The following BANP variants were observed in gnomAD, a reference collection of about 807,000 sequenced individuals.
The protein encoded by BANP is BTG3 associated nuclear protein.
A neutral mutation model predicts 68.1 loss-of-function variants in BANP; 11 were observed. The observed-to-expected ratio is 0.16, with a 90% CI of 0.10 to 0.27. BANP has a LOEUF of 0.27. BANP is among the 10% of genes least tolerant of loss of function. BANP has a pLI of 1.00. For missense variants in BANP, 504 were observed against 722.7 expected, an observed-to-expected ratio of 0.70 and a Z score of 3.47; for synonymous variants, 329 against 303.2, an observed-to-expected ratio of 1.09 and a Z score of -0.88.
rs60650979 is a variant in BANP, at chr16:87,953,422, C to T, written c.-69+1907C>T. On this transcript the variant is annotated intron_variant, in intron 1 of 13. Coordinates refer to ENST00000682872, the MANE Select transcript of BANP (RefSeq NM_001386991.1). The stretch of plus-strand genomic sequence containing the variant: ...TAGGATCCCCTGATGTTGCCCAGGC[C>T]GTACTCGAACTCCTGAGCTCAAGTG... Among the ~76,000 whole-genome samples, 702 of 152,180 alleles carry T rather than the reference C, an allele frequency of 4.6e-3. 9 individuals carry two copies. Among genetic ancestry groups the T allele is most frequent in the African/African-American group, 0.016 (654 of 41,506 alleles).
chr16:88,043,200 C>T (rs965258478), intron 11 of BANP, among the ~76,000 whole-genome samples: 2 of 152,176 alleles, frequency 1.3e-5, no homozygotes, highest in African/African-American at 4.8e-5. Context: ...AGCCAAACAG[C>T]CACTGCTGTT....
At chr16:88,001,859 G>T (rs2069455180) in intron 4 of BANP, among the ~76,000 whole-genome samples, 1 of 151,152 alleles carries the variant, frequency 6.6e-6, no homozygotes, top group East Asian at 1.9e-4. Context: ...CAGAAATAGG[G>T]ATGTAGATCG....
At chr16:88,038,772 C>T (rs1165033825) in intron 11 of BANP, among the ~76,000 whole-genome samples, 1 of 152,086 alleles carries the variant, frequency 6.6e-6, no homozygotes, top group Non-Finnish European at 1.5e-5. Flanking sequence ...GTTCCTAGGT[C>T]CTGGTGAAGA....
chr16:88,014,627 G>A (rs532458440), intron 6 of BANP, among the ~76,000 whole-genome samples: 3 of 152,014 alleles, frequency 2.0e-5, no homozygotes, highest in Non-Finnish European at 4.4e-5. Flanking sequence ...AGGCTGCAGG[G>A]ATCTTTAGCA....
chr16:88,042,154 C>T (rs1218007117), intron 11 of BANP, among the ~76,000 whole-genome samples: 1 of 152,210 alleles, frequency 6.6e-6, no homozygotes, highest in East Asian at 1.9e-4. Flanking sequence ...CAGACGGAGC[C>T]CCCGGTGCTC....
Position 88,065,357 on chromosome 16 carries a change from C to T in BANP, c.1377+25C>T, listed in dbSNP as rs199665344. On this transcript the variant is annotated intron_variant, in intron 12 of 13. Coordinates refer to ENST00000682872, the MANE Select transcript of BANP (RefSeq NM_001386991.1). ...GGTGAGTCCTTTGTACATCCCATCT[C>T]TCCCACCCTCTGTGGCTGGGAGGAG... 547 of 753,594 alleles carry T rather than the reference C, an allele frequency of 7.3e-4. 2 individuals carry two copies. The African/African-American group carries it at 8.2e-3, about 11-fold the overall frequency. 46.7% of individuals were successfully genotyped at this position (753,594 alleles called of 1,614,324 possible).
At position 87,987,330 on chromosome 16, in the gene BANP, C is replaced by T. The variant is rs189756816; in HGVS notation, c.362+3071C>T. ...TTGACCTTAGGTGATCTGCCTGCCT[C>T]GGCCTCCCAAAGTGCTGGGATTACA... On this transcript the variant is annotated intron_variant, in intron 4 of 13. Transcript: ENST00000682872. 6.6e-3 allele frequency among the ~76,000 whole-genome samples: 1,000 copies of T among 152,284 alleles called. 8 individuals carry two copies. Among genetic ancestry groups the T allele is most frequent in the African/African-American group, 0.022 (922 of 41,556 alleles).
chr16:88,076,672 T>C lies in BANP; in HGVS notation c.*11T>C, dbSNP rs781142694. ...ATCCAGATTCAGTGAGCGGTGCCCA[T>C]GGCACCAGGAGCCCCTCGCCGGCTC... On this transcript the variant is annotated 3_prime_UTR_variant, in exon 14 of 14. Coordinates refer to ENST00000682872, the MANE Select transcript of BANP (RefSeq NM_001386991.1). 2.5e-5 allele frequency: 40 copies of C among 1,603,678 alleles called. No homozygotes were observed. The East Asian group carries it at 7.4e-4, about 30-fold the overall frequency.
chr16:88,067,669 CT>C (rs2089083490), intron 12 of BANP, among the ~76,000 whole-genome samples: 1 of 152,146 alleles, frequency 6.6e-6, no homozygotes, highest in African/African-American at 2.4e-5. Flanking sequence ...CCAGCCCCCC[CT>C]GCACCCCACG....
chr16:88,058,954 T>G (rs890859233), intron 11 of BANP, among the ~76,000 whole-genome samples: 1 of 152,144 alleles, frequency 6.6e-6, no homozygotes, highest in South Asian at 2.1e-4. Flanking sequence ...GGTGGGCCCC[T>G]GAGCCGCTGC....
At chr16:88,034,748 A>G (rs1386616029) in intron 9 of BANP, among the ~76,000 whole-genome samples, 2 of 152,224 alleles carry the variant, frequency 1.3e-5, no homozygotes, top group African/African-American at 4.8e-5. Context: ...AAAGATGTAA[A>G]TATCTTTCCT....
chr16:88,042,769 A>G (rs926963614), intron 11 of BANP, among the ~76,000 whole-genome samples: 1 of 151,404 alleles, frequency 6.6e-6, no homozygotes, highest in Non-Finnish European at 1.5e-5. Context: ...AAAAAAAATT[A>G]GCCACGTCTG....
chr16:87,973,233 C>T (rs1459058154), intron 1 of BANP, among the ~76,000 whole-genome samples: 1 of 150,356 alleles, frequency 6.7e-6, no homozygotes, highest in African/African-American at 2.4e-5. Flanking sequence ...CTTTGTGTCT[C>T]CCCCTCCAGT....
At chr16:87,953,285 C>G (rs571274629) in intron 1 of BANP, among the ~76,000 whole-genome samples, 1 of 152,182 alleles carries the variant, frequency 6.6e-6, no homozygotes, top group African/African-American at 2.4e-5. Context: ...GCAATGGTCC[C>G]CTGCCCCACC....
intron 4 of BANP, among the ~76,000 whole-genome samples, chr16:87,999,180 G>A (rs2068308748): frequency 7.1e-6 from 1 of 140,764 alleles, no homozygotes; most frequent in African/African-American, 2.7e-5. Context: ...ACATCTCCAT[G>A]CCCGCACGTG....
chr16:88,062,153 C>T (rs1216118117), intron 11 of BANP, among the ~76,000 whole-genome samples: 1 of 152,216 alleles, frequency 6.6e-6, no homozygotes, highest in African/African-American at 2.4e-5. Flanking sequence ...TCTGTCCACA[C>T]ACTTCAGCAG....
At chr16:88,016,151 A>G (rs2074501674) in intron 6 of BANP, among the ~76,000 whole-genome samples, 1 of 152,212 alleles carries the variant, frequency 6.6e-6, no homozygotes, top group African/African-American at 2.4e-5. Flanking sequence ...TCAGCCCCTT[A>G]GGTTTAATCT....
chr16:88,016,088 G>A (rs1177343610), intron 6 of BANP, among the ~76,000 whole-genome samples: 2 of 152,232 alleles, frequency 1.3e-5, no homozygotes, highest in Non-Finnish European at 2.9e-5. Flanking sequence ...CAGGCCCCAA[G>A]GCAGAACATT....
intron 6 of BANP, among the ~76,000 whole-genome samples, chr16:88,013,810 G>A (rs374381343): frequency 1.2e-4 from 18 of 152,352 alleles, no homozygotes; most frequent in East Asian, 7.7e-4. Flanking sequence ...CCCTGCCACT[G>A]CTAATGCTGC....
Sources: gnomAD v4.1 joint callset for allele counts (sites outside exome capture counted in the v4.1 genomes callset) on GRCh38, gnomAD v4.1.1 for gene constraint, MANE v1.5 for transcripts, NCBI Gene and HGNC (gene_info 2026-07-23, HGNC 2026-07-21) for gene names.